Variants in CASK observed in about 807,000 individuals in gnomAD.
The protein encoded by CASK is calcium/calmodulin dependent serine protein kinase, also known as peripheral plasma membrane protein CASK.
In CASK, 4 loss-of-function variants were observed where a neutral mutation model predicts 82.9. The ratio of observed to expected loss-of-function variants is 0.05; its 90% CI spans 0.02 to 0.11. The LOEUF (loss-of-function observed/expected upper bound fraction) is 0.11, where lower values mean the gene tolerates loss of function less well. Ranked by LOEUF, CASK falls within the 10% of genes least tolerant of loss-of-function variation. The pLI is 1.00. For synonymous variants in CASK, 259 were observed against 253.5 expected, an observed-to-expected ratio of 1.02 and a Z score of -0.20; for missense variants, 358 against 720.9, an observed-to-expected ratio of 0.50 and a Z score of 5.76.
chrX:41,914,786 A>G (rs2072642917), intron 1 of CASK, among the ~76,000 whole-genome samples: 1 of 112,187 alleles, frequency 8.9e-6, no homozygotes, highest in Admixed American at 9.4e-5. Flanking sequence ...TTTACCTAAA[A>G]GCCAGTCATC....
At chrX:41,823,286 C>A (rs1262525434) in intron 2 of CASK, among the ~76,000 whole-genome samples, 1 of 108,895 alleles carries the variant, frequency 9.2e-6, no homozygotes, top group Non-Finnish European at 1.9e-5. Context: ...CCACCCTCCA[C>A]CTGCTGCCTA....
chrX:41,545,447 A>G (rs2065009491), intron 21 of CASK, among the ~76,000 whole-genome samples: 1 of 112,262 alleles, frequency 8.9e-6, no homozygotes, highest in African/African-American at 3.2e-5. Context: ...GTGCAGTGCT[A>G]TTTCTGTCAC....
At chrX:41,805,062 C>T (rs2070088630) in intron 2 of CASK, among the ~76,000 whole-genome samples, 1 of 111,760 alleles carries the variant, frequency 8.9e-6, no homozygotes, top group African/African-American at 3.3e-5. Flanking sequence ...TACTAAAAAA[C>T]ACAATTAAAA....
chrX:41,757,850 C>CTAT (rs1421508610), intron 3 of CASK, among the ~76,000 whole-genome samples: 2 of 111,919 alleles, frequency 1.8e-5, no homozygotes, highest in East Asian at 5.6e-4. Flanking sequence ...GTACAATTGT[C>CTAT]TATAGACAAA....
intron 2 of CASK, among the ~76,000 whole-genome samples, chrX:41,852,789 T>C (rs1182010658): frequency 7.2e-5 from 8 of 110,397 alleles, no homozygotes; most frequent in African/African-American, 2.6e-4. Flanking sequence ...TTTCACCTCC[T>C]TCCTTTCCCA....
chrX:41,684,293 T>C (rs933945083), intron 5 of CASK, among the ~76,000 whole-genome samples: 1 of 111,761 alleles, frequency 8.9e-6, no homozygotes. Flanking sequence ...GACTGATTGA[T>C]AGCATGTGCT....
intron 5 of CASK, among the ~76,000 whole-genome samples, chrX:41,684,355 A>G (rs1052374871): frequency 8.9e-5 from 10 of 112,025 alleles, no homozygotes; most frequent in African/African-American, 2.9e-4. Context: ...TATTCCTGCC[A>G]AAGTACATAA....
At chrX:41,861,256 G>A (rs1196685025) in intron 1 of CASK, among the ~76,000 whole-genome samples, 1 of 111,617 alleles carries the variant, frequency 9.0e-6, no homozygotes, top group Non-Finnish European at 1.9e-5. Context: ...TTGTGTGCGT[G>A]TGTGCGTGTG....
intron 21 of CASK, among the ~76,000 whole-genome samples, chrX:41,546,667 G>A (rs972166512): frequency 9.2e-6 from 1 of 108,426 alleles, no homozygotes; most frequent in Non-Finnish European, 1.9e-5. Context: ...TAGTAGAGAC[G>A]GGGTTTTGCC....
At chrX:41,564,000 G>C (rs1332527045) in intron 16 of CASK, among the ~76,000 whole-genome samples, 1 of 111,484 alleles carries the variant, frequency 9.0e-6, no homozygotes, top group African/African-American at 3.3e-5. Context: ...AATTAACTAC[G>C]GGCCAGTCTC....
chrX:41,852,694 T>C (rs760133833), intron 2 of CASK, among the ~76,000 whole-genome samples: 16 of 111,323 alleles, frequency 1.4e-4, no homozygotes, highest in African/African-American at 5.2e-4. Flanking sequence ...TTGATTCCAC[T>C]AAATCATAAT....
In CASK at chrX:41,516,379, CCAAA is replaced by C. The variant is rs1337800398; in HGVS notation, c.*4037_*4040del. ...GAGGAGAGTCCTGTATCCAGAGATTCCAAACAGAGAGGGAAATCTTATTTCTAAA... is the reference window on the plus strand; with the variant it reads ...GAGGAGAGTCCTGTATCCAGAGATTCCAGAGAGGGAAATCTTATTTCTAAA... On this transcript the variant is annotated 3_prime_UTR_variant, in exon 27 of 27. Transcript: ENST00000378163. 1.8e-5 allele frequency: 2 copies of C among 112,289 alleles called. No homozygotes were observed. Among genetic ancestry groups the C allele is most frequent in the African/African-American group, 6.5e-5 (2 of 30,924 alleles). 9.3% of individuals were successfully genotyped at this position (112,289 alleles called of 1,213,427 possible).
At chrX:41,632,920 G>A (rs773686932) in intron 9 of CASK, among the ~76,000 whole-genome samples, 13 of 108,010 alleles carry the variant, frequency 1.2e-4, no homozygotes, top group African/African-American at 4.0e-4. Context: ...GGTGGTGCCT[G>A]TAGTCCCAGC....
chrX:41,621,748 T>A (rs1227750358), intron 11 of CASK, among the ~76,000 whole-genome samples: 1 of 112,214 alleles, frequency 8.9e-6, no homozygotes, highest in African/African-American at 3.2e-5. Context: ...GAGCTACAGA[T>A]AACTAATGTA....
intron 5 of CASK, among the ~76,000 whole-genome samples, chrX:41,677,498 G>A (rs62587056): frequency 9.0e-6 from 1 of 111,514 alleles, no homozygotes; most frequent in Non-Finnish European, 1.9e-5. Flanking sequence ...TGTTACAAAG[G>A]TCATTTAAAA....
At chrX:41,792,906 T>C (rs2069763834) in intron 2 of CASK, among the ~76,000 whole-genome samples, 1 of 111,785 alleles carries the variant, frequency 8.9e-6, no homozygotes, top group Admixed American at 9.6e-5. Context: ...GTCTACCAAA[T>C]TGGAATGGTG....
chrX:41,529,443 G>T, intron 25 of CASK: 1 of 167,773 alleles, frequency 6.0e-6, no homozygotes, highest in East Asian at 2.2e-4. Flanking sequence ...GGCAGGTAAG[G>T]CAGAAAGCCC....
At chrX:41,609,754 T>C in intron 12 of CASK, 150 bp downstream of exon 12, 2 of 540,633 alleles carry the variant, frequency 3.7e-6, no homozygotes, top group Non-Finnish European at 6.1e-6. Flanking sequence ...AGACCACGTT[T>C]CACCATGTTG....
At chrX:41,731,669 T>C (rs1297643950) in intron 5 of CASK, among the ~76,000 whole-genome samples, 1 of 111,984 alleles carries the variant, frequency 8.9e-6, no homozygotes, top group East Asian at 2.8e-4. Flanking sequence ...CTTTACACCA[T>C]AGATGCTTTC....
Sources: allele counts gnomAD v4.1 joint callset (sites outside exome capture counted in the v4.1 genomes callset), GRCh38; gene constraint gnomAD v4.1.1; transcripts MANE v1.5; gene names NCBI Gene and HGNC (gene_info 2026-07-23, HGNC 2026-07-21).